RIC8B: variants seen among roughly 807,000 people sequenced by gnomAD.
RIC8B encodes the protein RIC8 guanine nucleotide exchange factor B, also known as chaperone Ric-8B.
In RIC8B, 16 loss-of-function variants were observed where a neutral mutation model predicts 57.5. That is an observed-to-expected ratio of 0.28 (90% CI 0.19 to 0.42). The LOEUF (loss-of-function observed/expected upper bound fraction) is 0.42. Ranked by LOEUF, RIC8B falls within the 10% of genes least tolerant of loss-of-function variation. The pLI is 1.00. For synonymous variants in RIC8B, 216 were observed against 250.8 expected, an observed-to-expected ratio of 0.86 and a Z score of 1.31; for missense variants, 481 against 677.0, an observed-to-expected ratio of 0.71 and a Z score of 3.21.
rs758876525 is a variant in RIC8B, at chr12:106,853,453, C to CTTTTTTTTTTTTTTTTTTTTTTTTTTT, written c.1306+1866_1306+1892dup. Among the ~76,000 whole-genome samples the CTTTTTTTTTTTTTTTTTTTTTTTTTTT allele has an allele frequency of 5.0e-4, 19 of 38,038 alleles. 6 individuals are homozygous for CTTTTTTTTTTTTTTTTTTTTTTTTTTT. Among genetic ancestry groups the CTTTTTTTTTTTTTTTTTTTTTTTTTTT allele is most frequent in the East Asian group, 2.4e-3 (2 of 834 alleles). The allele number at this position is 38,038 out of a possible 152,430, so 25.0% of individuals were successfully genotyped here. A position where few individuals can be genotyped will look rare whatever the true frequency, so the allele number is the denominator to read the frequency against. ...GACCTCAACAATTCTGCTTTATAGT[C>CTTTTTTTTTTTTTTTTTTTTTTTTTTT]TTTTTTTTTTTTTTTTTTTTTTTTT... On this transcript the variant is annotated intron_variant, in intron 7 of 9. Coordinates refer to ENST00000392837, the MANE Select transcript of RIC8B (RefSeq NM_001330145.2).
chr12:106,807,711 C>T (rs76282986), intron 2 of RIC8B, among the ~76,000 whole-genome samples: 9,530 of 152,178 alleles, frequency 0.063, 570 homozygotes, highest in East Asian at 0.27. Flanking sequence ...CAGTTTCCAT[C>T]ACAGTGTCTA....
chr12:106,871,471 T>TAAAAAAAAAAAAAAAA (rs1387727022), intron 9 of RIC8B: 2 of 30,918 alleles, frequency 6.5e-5, no homozygotes, highest in African/African-American at 1.3e-4. Flanking sequence ...TTAGGAGTTC[T>TAAAAAAAAAAAAAAAA]AAAAAAAAAA....
chr12:106,781,353 T>C (rs1324293887), intron 1 of RIC8B, among the ~76,000 whole-genome samples: 2 of 152,156 alleles, frequency 1.3e-5, no homozygotes, highest in African/African-American at 4.8e-5. Context: ...TAGAAATACA[T>C]GTACAGCTGG....
intron 7 of RIC8B, among the ~76,000 whole-genome samples, chr12:106,855,994 A>G (rs994455661): frequency 1.3e-5 from 2 of 152,162 alleles, no homozygotes; most frequent in Non-Finnish European, 2.9e-5. Flanking sequence ...CTCTGCAAAC[A>G]GTACCACTGT....
chr12:106,810,055 C>A (rs2045265148), intron 2 of RIC8B, among the ~76,000 whole-genome samples: 1 of 150,286 alleles, frequency 6.7e-6, no homozygotes, highest in Non-Finnish European at 1.5e-5. Flanking sequence ...TTATTTATTT[C>A]TTAGGAAAAA....
chr12:106,803,214 T>TAAAAAAAAAAAAAAAAA (rs758690591), intron 2 of RIC8B, among the ~76,000 whole-genome samples: 2 of 84,276 alleles, frequency 2.4e-5, no homozygotes, highest in African/African-American at 5.0e-5. Context: ...ATACCCTGTC[T>TAAAAAAAAAAAAAAAAA]CAAAAAAAAA....
chr12:106,779,682 T>A (rs1486613674), intron 1 of RIC8B, among the ~76,000 whole-genome samples: 28 of 68,376 alleles, frequency 4.1e-4, no homozygotes, highest in Admixed American at 1.3e-3. Flanking sequence ...CAAAAAAAAA[T>A]TTTTTTTTTT....
intron 3 of RIC8B, among the ~76,000 whole-genome samples, chr12:106,818,754 T>C (rs1429037754): frequency 6.6e-6 from 1 of 152,138 alleles, no homozygotes; most frequent in Non-Finnish European, 1.5e-5. Flanking sequence ...AAGCACTATT[T>C]GCCTTTTGGT....
intron 4 of RIC8B, among the ~76,000 whole-genome samples, chr12:106,828,678 G>A (rs909989462): frequency 5.9e-5 from 9 of 152,122 alleles, no homozygotes; most frequent in African/African-American, 1.9e-4. Flanking sequence ...TCAGTAAATG[G>A]CACTTGCTGC....
intron 2 of RIC8B, among the ~76,000 whole-genome samples, chr12:106,801,990 C>G (rs2136231565): frequency 6.6e-6 from 1 of 152,248 alleles, no homozygotes; most frequent in African/African-American, 2.4e-5. Context: ...ACCTTCAGCT[C>G]CAGTTAAGAA....
At chr12:106,801,794 C>G (rs1257094693) in intron 2 of RIC8B, among the ~76,000 whole-genome samples, 1 of 152,164 alleles carries the variant, frequency 6.6e-6, no homozygotes. Context: ...TTGTGAAATA[C>G]AGTTTTTGAA....
At chr12:106,880,009 A>G (rs1950847417) in intron 9 of RIC8B, 1 of 940,180 alleles carries the variant, frequency 1.1e-6, no homozygotes, top group South Asian at 4.9e-5. Flanking sequence ...TTCAATATAC[A>G]GTATCTCCGT....
In RIC8B at chr12:106,851,555, A is replaced by G. The variant is rs1949479778; in HGVS notation, c.1267A>G (p.Ile423Val). Residue 423 changes from isoleucine to valine, a missense_variant, in exon 7 of 10, where the codon ATT becomes GTT. Ile to Val is a conservative substitution (Grantham distance 29, BLOSUM62 3). Around this residue, in one of 3 missense-constraint regions of RIC8B, gnomAD observed 421 missense variants for 560.9 expected, o/e 0.75. Transcript: ENST00000392837. ...ACATGTTGACCTTGGAGTCAAGCAA[A>G]TTGCTGCTGAATTCCTTTTTGTCCT... is the stretch of plus-strand genomic sequence containing the variant. ...MTHVDLGVKQ[I>V]AAEFLFVLCK... 36 of 1,613,118 alleles carry G rather than the reference A, an allele frequency of 2.2e-5. No individual in the cohort carries two copies. The highest frequency in any genetic ancestry group is 3.0e-5 in the Non-Finnish European group (35 of 1,179,926).
chr12:106,858,782 T>C (rs1173469384), intron 7 of RIC8B, among the ~76,000 whole-genome samples: 1 of 152,140 alleles, frequency 6.6e-6, no homozygotes, highest in Non-Finnish European at 1.5e-5. Context: ...GCTATATTAT[T>C]TGAAAGTAGG....
intron 7 of RIC8B, among the ~76,000 whole-genome samples, chr12:106,852,914 C>T (rs886500116): frequency 4.6e-5 from 7 of 152,160 alleles, no homozygotes; most frequent in Non-Finnish European, 1.0e-4. Context: ...TGAATTGATT[C>T]GAGATCGGAA....
intron 4 of RIC8B, among the ~76,000 whole-genome samples, chr12:106,826,877 G>A (rs1281473919): frequency 6.6e-6 from 1 of 152,046 alleles, no homozygotes; most frequent in Non-Finnish European, 1.5e-5. Context: ...CACTTGAGTT[G>A]AGCCTGGGCA....
chr12:106,785,092 C>T (rs2043944489), intron 2 of RIC8B, among the ~76,000 whole-genome samples: 1 of 152,164 alleles, frequency 6.6e-6, no homozygotes, highest in African/African-American at 2.4e-5. Flanking sequence ...CTTTCTTTAC[C>T]TACAGAATAA....
chr12:106,885,592 GGTTA>G (rs1951146439), intron 9 of RIC8B, among the ~76,000 whole-genome samples: 1 of 149,354 alleles, frequency 6.7e-6, no homozygotes, highest in Non-Finnish European at 1.5e-5. Context: ...AAAAAAAAAA[GGTTA>G]ATTATTCAAA....
intron 1 of RIC8B, among the ~76,000 whole-genome samples, chr12:106,781,149 C>T (rs917729304): frequency 3.7e-4 from 57 of 152,106 alleles, no homozygotes; most frequent in African/African-American, 1.1e-3. Context: ...GGGGTTTTAT[C>T]GTGTTGCCCT....
Sources: gnomAD v4.1 joint callset for allele counts (sites outside exome capture counted in the v4.1 genomes callset) on GRCh38, gnomAD v4.1.1 for gene constraint, gnomAD v4.1.1 regional missense constraint, MANE v1.5 for transcripts, NCBI Gene and HGNC (gene_info 2026-07-23, HGNC 2026-07-21) for gene names.